PI4KA: variants seen among roughly 807,000 people sequenced by gnomAD.
PI4KA encodes the protein phosphatidylinositol 4-kinase alpha, also known as PI4-kinase alpha.
PI4KA carries 122 observed loss-of-function variants against 271.4 expected under a neutral mutation model. That is an observed-to-expected ratio of 0.45 (90% CI 0.39 to 0.52). The LOEUF is 0.52. Ranked by LOEUF, PI4KA falls within the 20% of genes least tolerant of loss-of-function variation. PI4KA has a pLI of 0.00. For synonymous variants in PI4KA, 1,041 were observed against 1,078.8 expected (o/e 0.96, Z 0.69); for missense variants, 1,969 against 2,769.1 (o/e 0.71, Z 6.48).
intron 1 of PI4KA, among the ~76,000 whole-genome samples, chr22:20,853,218 C>G (rs909562612): frequency 1.3e-5 from 2 of 152,094 alleles, no homozygotes; most frequent in African/African-American, 4.8e-5. Context: ...AATAGAAGGA[C>G]AAGGAATGCT....
chr22:20,824,847 G>A (rs549563125), intron 3 of PI4KA, among the ~76,000 whole-genome samples: 2 of 150,770 alleles, frequency 1.3e-5, no homozygotes, highest in South Asian at 2.1e-4. Flanking sequence ...CAAGGCAGAC[G>A]GATCACCTGA....
chr22:20,788,235 C>A (rs1210038471), intron 19 of PI4KA, among the ~76,000 whole-genome samples: 1 of 152,122 alleles, frequency 6.6e-6, no homozygotes, highest in Non-Finnish European at 1.5e-5. Context: ...TGAAACCTGT[C>A]CAAGATGCTG....
chr22:20,793,109 G>A, intron 19 of PI4KA, 84 bp downstream of exon 19: 1 of 858,704 alleles, frequency 1.2e-6, no homozygotes. Flanking sequence ...ACCTTTCTAA[G>A]GAATTTACTG....
At chr22:20,761,663 G>A (rs1931984302) in intron 22 of PI4KA, among the ~76,000 whole-genome samples, 1 of 152,214 alleles carries the variant, frequency 6.6e-6, no homozygotes, top group South Asian at 2.1e-4. Context: ...AAAATGGAAA[G>A]ACTCTGAATG....
At chr22:20,775,313 T>C (rs911244744) in intron 19 of PI4KA, among the ~76,000 whole-genome samples, 4 of 152,256 alleles carry the variant, frequency 2.6e-5, no homozygotes, top group African/African-American at 7.2e-5. Flanking sequence ...TCTTCTACAA[T>C]GTTTGTTATA....
chr22:20,770,529 AAAAG>A lies in PI4KA; in HGVS notation c.2329-4840_2329-4837del, dbSNP rs1932820766. On this transcript the variant is annotated intron_variant, in intron 19 of 54. Coordinates refer to ENST00000255882, the MANE Select transcript of PI4KA (RefSeq NM_058004.4). ...ACTCCGTCTCAAAAAAAAAAAAAAA[AAAAG>A]AGAGAGAGAGAGATCGGTTTTGCTA... 2.9e-5 allele frequency among the ~76,000 whole-genome samples: 3 copies of A among 101,972 alleles called. No individual in the cohort carries two copies. The Admixed American group carries it at 3.2e-4, about 11-fold the overall frequency. 66.9% of individuals were successfully genotyped at this position (101,972 alleles called of 152,430 possible). A position where few individuals can be genotyped will look rare whatever the true frequency, so the allele number is the denominator to read the frequency against.
At chr22:20,853,419 A>G (rs1927225106) in intron 1 of PI4KA, among the ~76,000 whole-genome samples, 1 of 152,252 alleles carries the variant, frequency 6.6e-6, no homozygotes, top group South Asian at 2.1e-4. Flanking sequence ...GGTGAGAACC[A>G]GGAAAGCAGA....
At chr22:20,745,010 G>A (rs1342620088) in intron 29 of PI4KA, among the ~76,000 whole-genome samples, 1 of 152,156 alleles carries the variant, frequency 6.6e-6, no homozygotes, top group Non-Finnish European at 1.5e-5. Context: ...AATGTCACCT[G>A]TGATGGAAAC....
chr22:20,824,774 ACACAC>A lies in PI4KA; in HGVS notation c.368-365_368-361del, dbSNP rs1218389039. ...CACACACACACACACACACACACACACACACAAAACACTCGGCTGGGCGAAGTGGC... is the reference window on the plus strand; with the variant it reads ...CACACACACACACACACACACACACAAAAACACTCGGCTGGGCGAAGTGGC... On this transcript the variant is annotated intron_variant, in intron 3 of 54. Coordinates refer to ENST00000255882, the MANE Select transcript of PI4KA (RefSeq NM_058004.4). 1.5e-3 allele frequency among the ~76,000 whole-genome samples: 224 copies of A among 145,918 alleles called. 1 individual carries two copies. The highest frequency in any genetic ancestry group is 2.5e-3 in the Non-Finnish European group (167 of 66,654).
At chr22:20,810,922 T>A (rs1935965781) in intron 9 of PI4KA, 45 bp downstream of exon 9, 2 of 1,419,528 alleles carry the variant, frequency 1.4e-6, no homozygotes, top group South Asian at 2.3e-5. Context: ...CTACACACGT[T>A]TAAGTCAGGC....
chr22:20,742,829 G>T, intron 30 of PI4KA, 65 bp from the exon 31 acceptor site: 1 of 1,511,564 alleles, frequency 6.6e-7, no homozygotes, highest in Non-Finnish European at 9.1e-7. Context: ...GGTTCTGGAA[G>T]CCACCAGACC....
chr22:20,786,243 A>C (rs930229535), intron 19 of PI4KA: 508 of 1,337,164 alleles, frequency 3.8e-4, no homozygotes, highest in Non-Finnish European at 4.6e-4. Context: ...CCCCAATCTC[A>C]TGTCCCAGCT....
chr22:20,807,877 CT>C (rs1421335785), intron 9 of PI4KA, among the ~76,000 whole-genome samples: 1 of 151,614 alleles, frequency 6.6e-6, no homozygotes, highest in East Asian at 1.9e-4. Flanking sequence ...TCAGATACAA[CT>C]TATGTTTTGT....
chr22:20,745,174 AAAGGGTACACCTTGAATAC>A (rs1404774575), intron 29 of PI4KA, among the ~76,000 whole-genome samples: 1 of 152,210 alleles, frequency 6.6e-6, no homozygotes, highest in East Asian at 1.9e-4. Context: ...AAGAGACAGA[AAAGGGTACACCTTGAATAC>A]AAAGGCAACC....
At chr22:20,834,479 C>G (rs1236697706) in intron 3 of PI4KA, 83 bp downstream of exon 3, 1 of 838,854 alleles carries the variant, frequency 1.2e-6, no homozygotes, top group African/African-American at 1.7e-5. Context: ...TCTGATGTGT[C>G]AGTATGAATA....
At chr22:20,772,670 T>C (rs1932929714) in intron 19 of PI4KA, among the ~76,000 whole-genome samples, 1 of 152,176 alleles carries the variant, frequency 6.6e-6, no homozygotes, top group Non-Finnish European at 1.5e-5. Context: ...TCAGATAGAC[T>C]CTGGGTGCCG....
chr22:20,762,675 G>A (rs1023936265), intron 22 of PI4KA, among the ~76,000 whole-genome samples: 2 of 152,168 alleles, frequency 1.3e-5, no homozygotes, highest in African/African-American at 4.8e-5. Context: ...TGAAAGCCAT[G>A]TTTTTGCTCT....
intron 19 of PI4KA, among the ~76,000 whole-genome samples, chr22:20,792,254 T>A (rs1229288228): frequency 6.6e-6 from 1 of 152,106 alleles, no homozygotes; most frequent in East Asian, 1.9e-4. Context: ...ACCCTAGAAG[T>A]CCCCAGGTTG....
chr22:20,838,713 T>A lies in PI4KA; in HGVS notation c.175A>T (p.Met59Leu). 2.5e-6 allele frequency: 4 copies of A among 1,611,078 alleles called. No homozygotes were observed. The highest frequency in any genetic ancestry group is 1.1e-5 in the South Asian group (1 of 90,948). Residue 59 changes from methionine to leucine, a missense_variant, in exon 2 of 55, where the codon ATG becomes TTG. Coordinates refer to ENST00000255882, the MANE Select transcript of PI4KA (RefSeq NM_058004.4). The part of the protein sequence containing the change: ...SLEKVQKLLC[M>L]CPVDFHGIFQ... ...ATCCCATGGAAATCCACTGGACACA[T>A]GCAAAGAAGCTTTTGGACCTAGAAA...
Sources: allele counts gnomAD v4.1 joint callset (sites outside exome capture counted in the v4.1 genomes callset), GRCh38; gene constraint gnomAD v4.1.1; transcripts MANE v1.5; gene names NCBI Gene and HGNC (gene_info 2026-07-23, HGNC 2026-07-21).